The following NDUFA5 variants were observed in gnomAD, a reference collection of about 807,000 sequenced individuals.
The protein encoded by NDUFA5 is NADH dehydrogenase [ubiquinone] 1 alpha subcomplex subunit 5.
A neutral mutation model predicts 19.8 loss-of-function variants in NDUFA5; 11 were observed. The observed-to-expected ratio is 0.56, with a 90% CI of 0.35 to 0.92. NDUFA5 has a LOEUF of 0.92. Among genes scored for constraint, NDUFA5 ranks in the 40% least tolerant of loss-of-function variants. The probability of loss-of-function intolerance (pLI) is 0.01; values close to 1 mark genes in which losing one functional copy is unlikely to be tolerated. For synonymous variants in NDUFA5, 47 were observed against 46.8 expected, an observed-to-expected ratio of 1.00 and a Z score of -0.01; for missense variants, 109 against 134.2, an observed-to-expected ratio of 0.81 and a Z score of 0.93.
chr7:123,546,384 A>G (rs1798134808), intron 3 of NDUFA5, among the ~76,000 whole-genome samples: 1 of 152,220 alleles, frequency 6.6e-6, no homozygotes, highest in African/African-American at 2.4e-5. Context: ...TAGTAAATTG[A>G]AGGGGAAGAG....
chr7:123,559,101 T>C (rs1480147763), upstream of NDUFA5, among the ~76,000 whole-genome samples: 1 of 151,866 alleles, frequency 6.6e-6, no homozygotes, highest in Non-Finnish European at 1.5e-5. Flanking sequence ...AGAGAGAAGA[T>C]TTAATACAAG....
chr7:123,581,787 T>C, the NDUFA5 span, among the ~76,000 whole-genome samples: 21 of 152,114 alleles, frequency 1.4e-4, no homozygotes, highest in Admixed American at 1.3e-3. Context: ...ATATCACATA[T>C]GTTTGTATAT....
At chr7:123,546,684 T>C in intron 3 of NDUFA5, 1 of 1,288,676 alleles carries the variant, frequency 7.8e-7, no homozygotes, top group Non-Finnish European at 1.0e-6. Flanking sequence ...CAAGACGTGA[T>C]ATGTTACTGC....
At chr7:123,563,757 A>G in the NDUFA5 span, among the ~76,000 whole-genome samples, 7 of 152,216 alleles carry the variant, frequency 4.6e-5, no homozygotes, top group Admixed American at 4.6e-4. Context: ...CTGTTATCAC[A>G]GTATCCTAGA....
At chr7:123,579,750 T>C in the NDUFA5 span, among the ~76,000 whole-genome samples, 1 of 152,212 alleles carries the variant, frequency 6.6e-6, no homozygotes, top group African/African-American at 2.4e-5. Context: ...TCTATTATGC[T>C]ATAGAATGCA....
chr7:123,596,984 G>T, the NDUFA5 span, among the ~76,000 whole-genome samples: 1 of 152,170 alleles, frequency 6.6e-6, no homozygotes, highest in Non-Finnish European at 1.5e-5. Context: ...CTTTGCCTTA[G>T]CACTACTGAG....
intron 2 of NDUFA5, chr7:123,554,687 T>C (rs1798476161): frequency 6.6e-6 from 1 of 152,014 alleles, no homozygotes; most frequent in Non-Finnish European, 1.5e-5. Context: ...TCTCTTTTTT[T>C]TTTTTTTCTT....
the NDUFA5 span, among the ~76,000 whole-genome samples, chr7:123,579,757 T>C: frequency 6.6e-6 from 1 of 152,098 alleles, no homozygotes; most frequent in Non-Finnish European, 1.5e-5. Context: ...TGCTATAGAA[T>C]GCATTGTGGA....
At chr7:123,558,009 G>A (rs934485828), upstream of NDUFA5, 3 of 720,290 alleles carry the variant, frequency 4.2e-6, no homozygotes, top group Non-Finnish European at 6.7e-6. Flanking sequence ...TAAGCTAGAA[G>A]ACGATTGGGG....
At chr7:123,547,503 A>C (rs116054377) in intron 3 of NDUFA5, among the ~76,000 whole-genome samples, 2,309 of 152,246 alleles carry the variant, frequency 0.015, 51 homozygotes, top group African/African-American at 0.052. Flanking sequence ...GCCTAGAACC[A>C]TACATGGCAT....
At chr7:123,544,450 A>G (rs1434400888) in intron 4 of NDUFA5, among the ~76,000 whole-genome samples, 1 of 150,476 alleles carries the variant, frequency 6.6e-6, no homozygotes, top group Non-Finnish European at 1.5e-5. Context: ...GTGAGCCGAG[A>G]TCATGCCACT....
At chr7:123,562,909 T>C in the NDUFA5 span, among the ~76,000 whole-genome samples, 15 of 151,476 alleles carry the variant, frequency 9.9e-5, no homozygotes, top group African/African-American at 2.7e-4. Context: ...GCATTTCTCC[T>C]GCCTCAGCCT....
the NDUFA5 span, among the ~76,000 whole-genome samples, chr7:123,592,233 C>G: frequency 6.6e-6 from 1 of 151,966 alleles, no homozygotes; most frequent in Admixed American, 6.6e-5. Context: ...TTTTGTTGAT[C>G]TTTTCAAAAA....
At chr7:123,594,541 CAGCTGCAAG>C in the NDUFA5 span, among the ~76,000 whole-genome samples, 1 of 152,168 alleles carries the variant, frequency 6.6e-6, no homozygotes, top group Non-Finnish European at 1.5e-5. Context: ...ACAGGCCCCT[CAGCTGCAAG>C]TCTGTTGGAG....
At chr7:123,546,869 T>C (rs1310304166) in intron 3 of NDUFA5, 2 of 461,876 alleles carry the variant, frequency 4.3e-6, no homozygotes, top group Non-Finnish European at 8.4e-6. Context: ...AAACTGTGAG[T>C]GTTACTTTAT....
At chr7:123,574,623 A>C in the NDUFA5 span, among the ~76,000 whole-genome samples, 1 of 152,138 alleles carries the variant, frequency 6.6e-6, no homozygotes. Flanking sequence ...TCATATCTAC[A>C]TTCCCAAGTT....
chr7:123,592,847 T>A, the NDUFA5 span, among the ~76,000 whole-genome samples: 2 of 152,206 alleles, frequency 1.3e-5, no homozygotes, highest in African/African-American at 4.8e-5. Context: ...GTCTCATTGA[T>A]CTGTCCAATA....
intron 3 of NDUFA5, chr7:123,546,545 T>C (rs905542474): frequency 1.6e-6 from 1 of 618,714 alleles, no homozygotes; most frequent in African/African-American, 2.0e-5. Flanking sequence ...TAAACTGAGC[T>C]TTTTGAGCCA....
the NDUFA5 span, among the ~76,000 whole-genome samples, chr7:123,595,605 T>C: frequency 6.6e-6 from 1 of 152,232 alleles, no homozygotes; most frequent in Non-Finnish European, 1.5e-5. Flanking sequence ...AACTTTTCAG[T>C]GACAGGAACT....
Sources: allele counts gnomAD v4.1 joint callset (sites outside exome capture counted in the v4.1 genomes callset), GRCh38; gene constraint gnomAD v4.1.1; transcripts MANE v1.5; gene names NCBI Gene and HGNC (gene_info 2026-07-23, HGNC 2026-07-21).